Variants in CHRM3 observed in about 807,000 individuals in gnomAD.
CHRM3 encodes the protein muscarinic acetylcholine receptor M3.
In CHRM3, 11 loss-of-function variants were observed where a neutral mutation model predicts 41.8. The ratio of observed to expected loss-of-function variants is 0.26; its 90% confidence interval spans 0.17 to 0.44. The LOEUF (loss-of-function observed/expected upper bound fraction) is 0.44. Among genes scored for constraint, CHRM3 ranks in the 20% least tolerant of loss-of-function variants. The pLI is 1.00. For synonymous variants in CHRM3, 297 were observed against 301.4 expected (o/e 0.99, Z 0.15); for missense variants, 571 against 745.4 (o/e 0.77, Z 2.72).
intron 1 of CHRM3, among the ~76,000 whole-genome samples, chr1:239,450,107 C>G (rs1429002735): frequency 6.6e-6 from 1 of 152,150 alleles, no homozygotes; most frequent in Non-Finnish European, 1.5e-5. Flanking sequence ...TCCTCCTCCC[C>G]GTGAGAGTCT....
intron 2 of CHRM3, among the ~76,000 whole-genome samples, chr1:239,504,387 TG>T (rs1668430684): frequency 6.6e-6 from 1 of 152,158 alleles, no homozygotes; most frequent in Admixed American, 6.5e-5. Flanking sequence ...CCTGCAAGAA[TG>T]GCCATAATCA....
intron 1 of CHRM3, among the ~76,000 whole-genome samples, chr1:239,398,194 T>C (rs969100670): frequency 1.3e-5 from 2 of 152,108 alleles, no homozygotes; most frequent in African/African-American, 2.4e-5. Context: ...TTTGAATCAA[T>C]AGGAGACTTT....
At chr1:239,525,876 A>T (rs1205761633) in intron 2 of CHRM3, among the ~76,000 whole-genome samples, 1 of 152,184 alleles carries the variant, frequency 6.6e-6, no homozygotes, top group African/African-American at 2.4e-5. Flanking sequence ...TGTTGCTGTC[A>T]ATTCAAGAAC....
chr1:239,632,202 T>A (rs891777376), intron 3 of CHRM3, 22 bp from the exon 4 acceptor site: 18 of 152,218 alleles, frequency 1.2e-4, no homozygotes, highest in African/African-American at 4.3e-4. Context: ...ATATTTTTGT[T>A]TGTTTGTTTG....
At chr1:239,428,319 A>G (rs1239713813) in intron 1 of CHRM3, among the ~76,000 whole-genome samples, 1 of 152,210 alleles carries the variant, frequency 6.6e-6, no homozygotes, top group East Asian at 1.9e-4. Flanking sequence ...ATTTTACATA[A>G]AGGATTAGCA....
chr1:239,711,129 T>C (rs542949877), intron 5 of CHRM3, among the ~76,000 whole-genome samples: 1 of 152,240 alleles, frequency 6.6e-6, no homozygotes, highest in South Asian at 2.1e-4. Flanking sequence ...CAGATGAGAT[T>C]CCTTAGATAA....
At chr1:239,662,859 C>CT (rs1461193330) in intron 4 of CHRM3, among the ~76,000 whole-genome samples, 9 of 150,074 alleles carry the variant, frequency 6.0e-5, no homozygotes, top group African/African-American at 2.2e-4. Context: ...CTTCCTTCTC[C>CT]TTCTCCTTTC....
intron 1 of CHRM3, among the ~76,000 whole-genome samples, chr1:239,452,808 T>C (rs1334318144): frequency 6.6e-6 from 1 of 152,162 alleles, no homozygotes; most frequent in Admixed American, 6.5e-5. Flanking sequence ...TATTTTCTTA[T>C]TATTTTTTTT....
intron 4 of CHRM3, among the ~76,000 whole-genome samples, chr1:239,652,437 T>G (rs554806394): frequency 2.0e-3 from 304 of 152,332 alleles, no homozygotes; most frequent in African/African-American, 6.8e-3. Flanking sequence ...ACCTCATAAA[T>G]ACTACTATGA....
At chr1:239,394,975 C>A (rs768660382) in intron 1 of CHRM3, among the ~76,000 whole-genome samples, 1 of 152,168 alleles carries the variant, frequency 6.6e-6, no homozygotes, top group Non-Finnish European at 1.5e-5. Flanking sequence ...CTCTCATCCA[C>A]CTTCATGAGG....
In CHRM3 at chr1:239,909,894, G is replaced by GAA. The variant is rs1680262229; in HGVS notation, c.*670_*671insAA. 6.0e-6 allele frequency: 1 copy of GAA among 166,950 alleles called. No homozygotes were observed. The highest frequency in any genetic ancestry group is 6.6e-5 in the Admixed American group (1 of 15,264). 10.3% of individuals were successfully genotyped at this position (166,950 alleles called of 1,614,324 possible). On this transcript the variant is annotated 3_prime_UTR_variant, in exon 7 of 7. Coordinates refer to ENST00000676153, the MANE Select transcript of CHRM3 (RefSeq NM_001375978.1). ...CACACATAGTGTATATAATATCATG[G>GAA]GAAACACTGAACTGGCAAATTATTC...
chr1:239,779,695 A>G (rs1668368821), intron 5 of CHRM3, among the ~76,000 whole-genome samples: 1 of 152,342 alleles, frequency 6.6e-6, no homozygotes, highest in South Asian at 2.1e-4. Flanking sequence ...AGATTGTGTC[A>G]CTGTACTCCA....
chr1:239,743,788 C>CTTTTTT (rs10718514), intron 5 of CHRM3, among the ~76,000 whole-genome samples: 22 of 81,200 alleles, frequency 2.7e-4, no homozygotes, highest in East Asian at 3.4e-4. Context: ...TTTTTTTTTT[C>CTTTTTT]TTTTTTTTTT....
In CHRM3 at chr1:239,716,197, G is replaced by A. The variant is rs1160168992; in HGVS notation, c.-147+37909G>A. ...AAAGTAGAGCCAAAGGGAGCTTTTA[G>A]AAGTAAAGAAAGTGATACTTTTAGG... On this transcript the variant is annotated intron_variant, in intron 5 of 6. Coordinates refer to ENST00000676153, the MANE Select transcript of CHRM3 (RefSeq NM_001375978.1). Among the ~76,000 whole-genome samples the A allele has an allele frequency of 2.6e-4, 40 of 152,056 alleles. 1 individual carries two copies. Among genetic ancestry groups the A allele is most frequent in the Non-Finnish European group, 2.2e-4 (15 of 67,992 alleles).
intron 1 of CHRM3, among the ~76,000 whole-genome samples, chr1:239,426,807 A>T (rs148668936): frequency 1.6e-4 from 24 of 152,348 alleles, no homozygotes; most frequent in Non-Finnish European, 3.2e-4. Context: ...GAACTGAAGT[A>T]CAGGCCATAT....
intron 1 of CHRM3, among the ~76,000 whole-genome samples, chr1:239,466,020 G>A (rs938424615): frequency 6.6e-6 from 1 of 152,076 alleles, no homozygotes; most frequent in African/African-American, 2.4e-5. Context: ...CTGAGACAGA[G>A]TCTCTCTTTG....
At chr1:239,650,566 G>A (rs1672142354) in intron 4 of CHRM3, among the ~76,000 whole-genome samples, 1 of 152,184 alleles carries the variant, frequency 6.6e-6, no homozygotes, top group Non-Finnish European at 1.5e-5. Flanking sequence ...GTGTGATTTG[G>A]AGACAAAGTC....
At position 239,884,591 on chromosome 1, in the gene CHRM3, C is replaced by T. The variant is rs77990977; in HGVS notation, c.-19-22842C>T. ...AACTACTTCTTAAAAGTCTCCTTAA[C>T]GAAGCTTTTTTGAGACTGATTTGGT... On this transcript the variant is annotated intron_variant, in intron 6 of 6. Transcript: ENST00000676153. Among the ~76,000 whole-genome samples, 1,015 of 152,274 alleles carry T rather than the reference C, an allele frequency of 6.7e-3. 8 individuals are homozygous for T. The highest frequency in any genetic ancestry group is 0.035 in the South Asian group (171 of 4,828).
chr1:239,820,195 A>G (rs1382387519), intron 5 of CHRM3, among the ~76,000 whole-genome samples: 1 of 152,236 alleles, frequency 6.6e-6, no homozygotes, highest in African/African-American at 2.4e-5. Context: ...TACTGTGCAC[A>G]CAGGGAGAAT....
Sources: allele counts gnomAD v4.1 joint callset (sites outside exome capture counted in the v4.1 genomes callset), GRCh38; gene constraint gnomAD v4.1.1; transcripts MANE v1.5; gene names NCBI Gene and HGNC (gene_info 2026-07-23, HGNC 2026-07-21).